SNTG1: variants seen among roughly 807,000 people sequenced by gnomAD.
SNTG1 encodes the protein gamma-1-syntrophin.
In SNTG1, 39 loss-of-function variants were observed where a neutral mutation model predicts 74.7. That is an observed-to-expected ratio of 0.52 (90% CI 0.40 to 0.68). The LOEUF (loss-of-function observed/expected upper bound fraction) is 0.68, where lower values mean the gene tolerates loss of function less well. Ranked by LOEUF, SNTG1 falls within the 30% of genes least tolerant of loss-of-function variation. The pLI, the probability that SNTG1 is intolerant of heterozygous loss-of-function variation, is 0.00. For missense variants in SNTG1, 685 were observed against 609.5 expected (o/e 1.12, Z -1.30); for synonymous variants, 254 against 217.1 (o/e 1.17, Z -1.49).
intron 2 of SNTG1, among the ~76,000 whole-genome samples, chr8:50,264,457 C>T (rs139623691): frequency 6.6e-6 from 1 of 151,742 alleles, no homozygotes; most frequent in African/African-American, 2.4e-5. Flanking sequence ...GTACTCCCAG[C>T]TACTCAGGGG....
chr8:50,593,717 CTT>C (rs1183759564), intron 13 of SNTG1, among the ~76,000 whole-genome samples: 359 of 135,952 alleles, frequency 2.6e-3, no homozygotes, highest in South Asian at 7.8e-3. Context: ...TGATTTGGTT[CTT>C]TTTTTTTTTT....
intron 1 of SNTG1, among the ~76,000 whole-genome samples, chr8:50,106,490 A>G (rs1303372734): frequency 6.6e-6 from 1 of 152,164 alleles, no homozygotes; most frequent in Non-Finnish European, 1.5e-5. Context: ...ATCTTGTTCC[A>G]GTTCTCAAGA....
intron 12 of SNTG1, among the ~76,000 whole-genome samples, chr8:50,563,934 T>C (rs1385435785): frequency 3.3e-5 from 5 of 152,172 alleles, no homozygotes; most frequent in Non-Finnish European, 7.3e-5. Flanking sequence ...ATTAAATTTT[T>C]TGACAACTTA....
At chr8:50,071,440 A>G (rs1001162275) in intron 1 of SNTG1, among the ~76,000 whole-genome samples, 6 of 151,946 alleles carry the variant, frequency 3.9e-5, no homozygotes, top group African/African-American at 9.7e-5. Context: ...ATGCATATAT[A>G]TGTGTGTGTG....
chr8:49,993,536 T>C (rs953182841), intron 1 of SNTG1, among the ~76,000 whole-genome samples: 2 of 152,138 alleles, frequency 1.3e-5, no homozygotes, highest in Non-Finnish European at 2.9e-5. Context: ...TAGGTATTTG[T>C]ACTAATGCTC....
chr8:50,206,766 T>G (rs2084262219), intron 2 of SNTG1, among the ~76,000 whole-genome samples: 2 of 151,966 alleles, frequency 1.3e-5, no homozygotes, highest in South Asian at 2.1e-4. Context: ...TTGAGAGTTT[T>G]TAGCATGAAG....
At chr8:50,307,095 T>C (rs2089931727) in intron 2 of SNTG1, among the ~76,000 whole-genome samples, 1 of 152,074 alleles carries the variant, frequency 6.6e-6, no homozygotes, top group South Asian at 2.1e-4. Flanking sequence ...TTTGACTGAA[T>C]ATACCATGAT....
chr8:50,387,364 C>T (rs975895088), intron 2 of SNTG1, among the ~76,000 whole-genome samples: 2 of 152,146 alleles, frequency 1.3e-5, no homozygotes, highest in African/African-American at 4.8e-5. Context: ...TCTCTGGGCC[C>T]TCCCAGGGTC....
At chr8:50,517,728 A>G (rs2094146347) in intron 9 of SNTG1, among the ~76,000 whole-genome samples, 1 of 152,198 alleles carries the variant, frequency 6.6e-6, no homozygotes. Context: ...TATAATGATA[A>G]AAGGATCAAT....
rs188358139 is a variant in SNTG1 at position 50,530,903 on chromosome 8, T to G, written c.549+644T>G. On this transcript the variant is annotated intron_variant, in intron 10 of 18. Transcript: ENST00000642720. ...CATCCTTCAAAACACTCACACATTC[T>G]TAAAGAAATAATTTTCTCTGGTTAT... Among the ~76,000 whole-genome samples the G allele has an allele frequency of 3.7e-3, 565 of 152,276 alleles. 6 individuals are homozygous for G. Among genetic ancestry groups the G allele is most frequent in the African/African-American group, 0.012 (509 of 41,556 alleles).
At chr8:50,536,634 G>A in intron 10 of SNTG1, 44 bp from the exon 11 acceptor site, 5 of 1,600,466 alleles carry the variant, frequency 3.1e-6, no homozygotes, top group East Asian at 4.5e-5. Flanking sequence ...GAAACTCAAA[G>A]CACAGAAGAA....
At chr8:50,179,364 T>C (rs2083116415) in intron 2 of SNTG1, among the ~76,000 whole-genome samples, 1 of 152,196 alleles carries the variant, frequency 6.6e-6, no homozygotes, top group Admixed American at 6.5e-5. Flanking sequence ...TTGACTGAGA[T>C]TGCATTCAAT....
chr8:49,971,235 T>C (rs1811640785), intron 1 of SNTG1, among the ~76,000 whole-genome samples: 1 of 151,944 alleles, frequency 6.6e-6, no homozygotes, highest in Non-Finnish European at 1.5e-5. Flanking sequence ...CAATAAACAA[T>C]CCAGCATATA....
chr8:49,964,511 T>C (rs1810971180), intron 1 of SNTG1, among the ~76,000 whole-genome samples: 1 of 152,234 alleles, frequency 6.6e-6, no homozygotes, highest in Non-Finnish European at 1.5e-5. Flanking sequence ...GTAGAGATTA[T>C]ATACATAGGT....
intron 18 of SNTG1, among the ~76,000 whole-genome samples, chr8:50,790,187 C>A (rs1400689462): frequency 1.3e-5 from 2 of 151,870 alleles, no homozygotes; most frequent in African/African-American, 4.8e-5. Flanking sequence ...TTTATTTCTG[C>A]CCTTAGTCAC....
intron 13 of SNTG1, among the ~76,000 whole-genome samples, chr8:50,624,534 A>G (rs1272617498): frequency 1.3e-5 from 2 of 152,090 alleles, no homozygotes; most frequent in Non-Finnish European, 1.5e-5. Flanking sequence ...AATGAAGCCA[A>G]TTCCAGCTAA....
intron 2 of SNTG1, among the ~76,000 whole-genome samples, chr8:50,185,376 C>A (rs1441624755): frequency 1.3e-5 from 2 of 152,176 alleles, no homozygotes; most frequent in Admixed American, 1.3e-4. Flanking sequence ...GTCGATTAAA[C>A]CTTTTTCTTT....
chr8:50,083,103 C>T (rs1382671815), intron 1 of SNTG1, among the ~76,000 whole-genome samples: 1 of 152,116 alleles, frequency 6.6e-6, no homozygotes, highest in Non-Finnish European at 1.5e-5. Context: ...TGAGGGAGTC[C>T]TGGGACTAGT....
chr8:50,748,648 G>A (rs753442990), intron 17 of SNTG1, among the ~76,000 whole-genome samples: 5 of 151,846 alleles, frequency 3.3e-5, no homozygotes, highest in Admixed American at 6.6e-5. Flanking sequence ...TTCCAACAGC[G>A]TGCGCTTACT....
Sources: allele counts gnomAD v4.1 joint callset (sites outside exome capture counted in the v4.1 genomes callset), GRCh38; gene constraint gnomAD v4.1.1; transcripts MANE v1.5; gene names NCBI Gene and HGNC (gene_info 2026-07-23, HGNC 2026-07-21).